The following COL19A1 variants were observed in gnomAD, a reference collection of about 807,000 sequenced individuals.
COL19A1 encodes collagen alpha-1(XIX) chain.
In COL19A1, 159 loss-of-function variants were observed where a neutral mutation model predicts 190.2. The observed-to-expected ratio is 0.84, with a 90% CI of 0.73 to 0.95. The LOEUF is 0.95. Ranked by LOEUF, COL19A1 falls within the 40% of genes least tolerant of loss-of-function variation. COL19A1 has a pLI of 0.00. For synonymous variants in COL19A1, 509 were observed against 458.9 expected, an observed-to-expected ratio of 1.11 and a Z score of -1.39; for missense variants, 1,418 against 1,431.9, an observed-to-expected ratio of 0.99 and a Z score of 0.16.
chr6:69,913,826 G>A (rs1341808000), intron 4 of COL19A1, among the ~76,000 whole-genome samples: 7 of 152,070 alleles, frequency 4.6e-5, no homozygotes, highest in East Asian at 1.9e-4. Flanking sequence ...ATGCCATTGG[G>A]AAAATCTCAG....
rs190702457 is a variant in COL19A1 at position 70,138,553 on chromosome 6, G to A, written c.1446+806G>A. Among the ~76,000 whole-genome samples, 223 of 152,158 alleles carry A rather than the reference G, an allele frequency of 1.5e-3. 1 individual carries two copies. Among genetic ancestry groups the A allele is most frequent in the African/African-American group, 4.4e-3 (183 of 41,514 alleles). The stretch of plus-strand genomic sequence containing the variant: ...TAAACCACTCTACCCCTTTCTTTAC[G>A]AGACTGAATAAAGGATATTGGTTTA... On this transcript the variant is annotated intron_variant, in intron 19 of 50. Coordinates refer to ENST00000620364, the MANE Select transcript of COL19A1 (RefSeq NM_001858.6).
In COL19A1 at chr6:70,151,298, T is replaced by C. The variant is rs1367592018; in HGVS notation, c.2038-99T>C. The C allele has an allele frequency of 5.2e-6, 6 of 1,155,372 alleles. No individual in the cohort carries two copies. In the South Asian group the frequency reaches 7.2e-5, roughly 14 times the overall value. The allele number at this position is 1,155,372 out of a possible 1,614,324, so 71.6% of individuals were successfully genotyped here. On this transcript the variant is annotated intron_variant, in intron 30 of 50. Coordinates refer to ENST00000620364, the MANE Select transcript of COL19A1 (RefSeq NM_001858.6). ...CTAAAGTGAGACACCAGAAGCTTCA[T>C]GGCATTTTGAGGAAAAATGTCTACA...
chr6:70,039,186 G>A (rs545949392), intron 14 of COL19A1, among the ~76,000 whole-genome samples: 6 of 152,304 alleles, frequency 3.9e-5, no homozygotes, highest in Admixed American at 2.0e-4. Flanking sequence ...AGGGACTCAG[G>A]CAACAGTTGT....
intron 12 of COL19A1, among the ~76,000 whole-genome samples, chr6:70,030,171 CA>C (rs1778973446): frequency 6.6e-6 from 1 of 152,154 alleles, no homozygotes; most frequent in Admixed American, 6.6e-5. Flanking sequence ...TAATTGGCTA[CA>C]TCATCCCTTC....
At position 69,936,813 on chromosome 6, in the gene COL19A1, T is replaced by C. The variant is rs755928924; in HGVS notation, c.776T>C (p.Ile259Thr). Residue 259 changes from isoleucine to threonine, a missense_variant, in exon 8 of 51, where the codon ATT (isoleucine) becomes ACT (threonine). Coordinates refer to ENST00000620364, the MANE Select transcript of COL19A1 (RefSeq NM_001858.6). ...CCAGAGCAGGATGGCTTTGGAAATA[T>C]TGCATCATCATGGGTAACTGCTCAT... is the stretch of plus-strand genomic sequence containing the variant. The part of the protein sequence containing the change: ...KCPEQDGFGN[I>T]ASSWVTAHAS... 1.2e-6 allele frequency: 2 copies of C among 1,612,998 alleles called. No individual in the cohort carries two copies. The highest frequency in any genetic ancestry group is 1.3e-5 in the African/African-American group (1 of 74,856).
chr6:70,074,994 A>T (rs1465713624), intron 15 of COL19A1, among the ~76,000 whole-genome samples: 2 of 152,192 alleles, frequency 1.3e-5, no homozygotes, highest in African/African-American at 4.8e-5. Flanking sequence ...ATATAAACGT[A>T]TACCTTAAAA....
intron 42 of COL19A1, among the ~76,000 whole-genome samples, chr6:70,179,968 C>T (rs1033074001): frequency 2.6e-5 from 4 of 152,116 alleles, no homozygotes; most frequent in East Asian, 3.9e-4. Flanking sequence ...CTGCAACCTC[C>T]GCCTCCTGGG....
At chr6:69,928,692 A>G (rs1402443838) in intron 5 of COL19A1, among the ~76,000 whole-genome samples, 1 of 152,170 alleles carries the variant, frequency 6.6e-6, no homozygotes, top group Non-Finnish European at 1.5e-5. Flanking sequence ...TGGGGGATGG[A>G]GAGAGCAGGA....
intron 11 of COL19A1, among the ~76,000 whole-genome samples, chr6:70,001,105 G>T (rs1415111591): frequency 6.6e-6 from 1 of 152,136 alleles, no homozygotes; most frequent in Non-Finnish European, 1.5e-5. Flanking sequence ...AGTTTTCCCA[G>T]CATCATTTAT....
chr6:70,002,314 G>A (rs1043695206), intron 11 of COL19A1, among the ~76,000 whole-genome samples: 1 of 152,096 alleles, frequency 6.6e-6, no homozygotes, highest in South Asian at 2.1e-4. Context: ...AGGGATATTG[G>A]CCTTAAGTTT....
chr6:70,165,773 G>A (rs1403219816), intron 36 of COL19A1, among the ~76,000 whole-genome samples, 168 bp from the exon 37 acceptor site: 3 of 152,202 alleles, frequency 2.0e-5, no homozygotes, highest in Non-Finnish European at 4.4e-5. Context: ...GTCTAGAAAT[G>A]TATTTCCTGG....
Position 70,208,968 on chromosome 6 carries a change from A to G in COL19A1, c.*1694A>G, listed in dbSNP as rs1006516302. ...GGTATTTCATATTGAATTATGCTGT[A>G]TATTTCAATTCCAAGTTTATTTATT... On this transcript the variant is annotated 3_prime_UTR_variant, in exon 51 of 51. Coordinates refer to ENST00000620364, the MANE Select transcript of COL19A1 (RefSeq NM_001858.6). 1 of 152,522 alleles carries G rather than the reference A, an allele frequency of 6.6e-6. No individual in the cohort carries two copies. Among genetic ancestry groups the G allele is most frequent in the Non-Finnish European group, 1.5e-5 (1 of 68,014 alleles). 9.4% of individuals were successfully genotyped at this position (152,522 alleles called of 1,614,324 possible).
intron 11 of COL19A1, among the ~76,000 whole-genome samples, chr6:69,989,066 A>AG (rs2150072385): frequency 6.6e-6 from 1 of 152,158 alleles, no homozygotes; most frequent in Admixed American, 6.5e-5. Flanking sequence ...CTTCTTTTTC[A>AG]GCCCCATGGC....
intron 11 of COL19A1, among the ~76,000 whole-genome samples, chr6:69,997,670 T>C (rs186447571): frequency 3.3e-5 from 5 of 151,834 alleles, no homozygotes; most frequent in East Asian, 3.9e-4. Context: ...TAAATATGGA[T>C]AAATTGAAAT....
chr6:70,123,801 G>A (rs1345777672), intron 17 of COL19A1, among the ~76,000 whole-genome samples: 1 of 135,240 alleles, frequency 7.4e-6, no homozygotes, highest in African/African-American at 2.7e-5. Context: ...TCACACTCTG[G>A]GGACTGTTGT....
At chr6:70,001,590 G>A (rs754805064) in intron 11 of COL19A1, among the ~76,000 whole-genome samples, 16 of 151,350 alleles carry the variant, frequency 1.1e-4, no homozygotes, top group African/African-American at 2.7e-4. Context: ...TTTATATCCC[G>A]TTAGCTGTAT....
chr6:70,045,357 T>C (rs1779854712), intron 14 of COL19A1, among the ~76,000 whole-genome samples: 1 of 151,070 alleles, frequency 6.6e-6, no homozygotes, highest in Non-Finnish European at 1.5e-5. Flanking sequence ...CATTCTGTCA[T>C]CTGAGTAATA....
At chr6:69,912,528 C>G (rs1771010629) in intron 4 of COL19A1, among the ~76,000 whole-genome samples, 1 of 152,164 alleles carries the variant, frequency 6.6e-6, no homozygotes, top group Non-Finnish European at 1.5e-5. Flanking sequence ...TGGGAGCTCT[C>G]TCCATGCAAA....
intron 11 of COL19A1, among the ~76,000 whole-genome samples, chr6:70,019,112 C>G (rs1023113049): frequency 6.6e-6 from 1 of 152,062 alleles, no homozygotes; most frequent in Admixed American, 6.6e-5. Context: ...GAAATTGAAC[C>G]AGTTTACAAA....
Sources: allele counts gnomAD v4.1 joint callset (sites outside exome capture counted in the v4.1 genomes callset), GRCh38; gene constraint gnomAD v4.1.1; transcripts MANE v1.5; gene names NCBI Gene and HGNC (gene_info 2026-07-23, HGNC 2026-07-21).